NXPE2: variants seen among roughly 807,000 people sequenced by gnomAD.
NXPE2 encodes the protein NXPE family member 2.
NXPE2 carries 34 observed loss-of-function variants against 34.4 expected under a neutral mutation model. The ratio of observed to expected loss-of-function variants is 0.99; its 90% confidence interval spans 0.75 to 1.31. NXPE2 has a LOEUF of 1.31. Ranked by LOEUF, NXPE2 falls within the 40% of genes most tolerant of loss-of-function variation. The pLI is 0.00. For synonymous variants in NXPE2, 235 were observed against 231.3 expected (o/e 1.02, Z -0.15); for missense variants, 649 against 672.5 (o/e 0.97, Z 0.39).
At chr11:114,611,835 A>G in the NXPE2 span, among the ~76,000 whole-genome samples, 5 of 149,722 alleles carry the variant, frequency 3.3e-5, no homozygotes, top group African/African-American at 4.9e-5. Context: ...TGGATAATAT[A>G]TATTTCCTCA....
At chr11:114,783,804 T>C in the NXPE2 span, among the ~76,000 whole-genome samples, 5 of 152,212 alleles carry the variant, frequency 3.3e-5, no homozygotes, top group Non-Finnish European at 7.3e-5. Context: ...GTACTCAGAT[T>C]CCTGACTCCA....
At chr11:114,539,500 G>C in the NXPE2 span, among the ~76,000 whole-genome samples, 8 of 152,162 alleles carry the variant, frequency 5.3e-5, no homozygotes, top group South Asian at 1.7e-3. Context: ...ACTCTTTTAA[G>C]GATATTTTTT....
At chr11:114,797,542 C>T in the NXPE2 span, among the ~76,000 whole-genome samples, 7 of 152,164 alleles carry the variant, frequency 4.6e-5, no homozygotes, top group Non-Finnish European at 7.3e-5. Flanking sequence ...ATTTATGGCA[C>T]GTGGAGCTCC....
At chr11:114,784,605 C>G in the NXPE2 span, among the ~76,000 whole-genome samples, 1 of 152,174 alleles carries the variant, frequency 6.6e-6, no homozygotes, top group African/African-American at 2.4e-5. Context: ...GGCTTTATAA[C>G]CAGCATGAGG....
chr11:114,537,974 A>C, the NXPE2 span, among the ~76,000 whole-genome samples: 1 of 152,366 alleles, frequency 6.6e-6, no homozygotes, highest in East Asian at 1.9e-4. Flanking sequence ...TTGCCAAGTC[A>C]ATCCTAAGCC....
chr11:114,490,786 G>A, the NXPE2 span, among the ~76,000 whole-genome samples: 23 of 152,186 alleles, frequency 1.5e-4, no homozygotes, highest in Non-Finnish European at 2.5e-4. Flanking sequence ...CAGGCCATAG[G>A]CATGGGCAAG....
the NXPE2 span, among the ~76,000 whole-genome samples, chr11:114,622,868 AC>A: frequency 1.4e-5 from 2 of 144,580 alleles, no homozygotes. Context: ...ACCACTGTTA[AC>A]CAGTTGATAA....
At chr11:114,476,121 T>A in the NXPE2 span, among the ~76,000 whole-genome samples, 1 of 152,198 alleles carries the variant, frequency 6.6e-6, no homozygotes, top group East Asian at 1.9e-4. Flanking sequence ...CTATGGTAAC[T>A]GAAATTTCTG....
At chr11:114,752,827 A>G in the NXPE2 span, among the ~76,000 whole-genome samples, 5 of 152,294 alleles carry the variant, frequency 3.3e-5, no homozygotes, top group Admixed American at 2.6e-4. Context: ...ATATACTAGT[A>G]TGGTGTACAA....
the NXPE2 span, among the ~76,000 whole-genome samples, chr11:114,811,850 G>A: frequency 1.3e-5 from 2 of 152,200 alleles, no homozygotes. Flanking sequence ...CCATGACCTT[G>A]GGAAAGCCAC....
At chr11:114,647,865 C>A in the NXPE2 span, among the ~76,000 whole-genome samples, 56 of 152,070 alleles carry the variant, frequency 3.7e-4, no homozygotes, top group Non-Finnish European at 7.4e-4. Context: ...CTGTGCATGG[C>A]TAAGTTTTGT....
At chr11:114,695,785 G>T (rs1288160567) in intron 2 of NXPE2, among the ~76,000 whole-genome samples, 1 of 150,488 alleles carries the variant, frequency 6.6e-6, no homozygotes, top group South Asian at 2.1e-4. Context: ...GAAGTCAGAA[G>T]TTCGCGACCA....
the NXPE2 span, among the ~76,000 whole-genome samples, chr11:114,741,363 C>G: frequency 1.3e-5 from 2 of 152,106 alleles, no homozygotes; most frequent in Non-Finnish European, 2.9e-5. Context: ...TCCATATCCT[C>G]TCCAGATTTG....
At chr11:114,534,989 CAA>C in the NXPE2 span, among the ~76,000 whole-genome samples, 1 of 152,058 alleles carries the variant, frequency 6.6e-6, no homozygotes, top group African/African-American at 2.4e-5. Context: ...TCAAATTCAC[CAA>C]AGTTTAAATG....
At chr11:114,527,980 A>T in the NXPE2 span, 2 of 1,082,744 alleles carry the variant, frequency 1.8e-6, no homozygotes, top group Middle Eastern at 4.1e-4. Flanking sequence ...TTGTGAGTGA[A>T]GGAAAATTTT....
the NXPE2 span, among the ~76,000 whole-genome samples, chr11:114,758,252 CT>C: frequency 6.6e-6 from 1 of 152,058 alleles, no homozygotes. Context: ...AGTATTGCCT[CT>C]AGATAGCATG....
chr11:114,769,946 A>T, the NXPE2 span, among the ~76,000 whole-genome samples: 1 of 152,200 alleles, frequency 6.6e-6, no homozygotes, highest in Non-Finnish European at 1.5e-5. Flanking sequence ...TGTACCCCAG[A>T]ACTTAAAGTA....
upstream of NXPE2, among the ~76,000 whole-genome samples, chr11:114,676,788 A>G (rs1950862777): frequency 6.6e-6 from 1 of 152,104 alleles, no homozygotes; most frequent in South Asian, 2.1e-4. Context: ...TCAGTATTTA[A>G]GAAGATATCT....
chr11:114,574,971 G>A, the NXPE2 span, among the ~76,000 whole-genome samples: 1 of 151,980 alleles, frequency 6.6e-6, no homozygotes, highest in Non-Finnish European at 1.5e-5. Flanking sequence ...AAATCCAATG[G>A]CATATCAAAA....
Sources: allele counts gnomAD v4.1 joint callset (sites outside exome capture counted in the v4.1 genomes callset), GRCh38; gene constraint gnomAD v4.1.1; transcripts MANE v1.5; gene names NCBI Gene and HGNC (gene_info 2026-07-23, HGNC 2026-07-21).